Variants in MTUS2 observed in about 807,000 individuals in gnomAD.
The protein encoded by MTUS2 is microtubule associated scaffold protein 2, also known as microtubule-associated tumor suppressor candidate 2.
In MTUS2, 40 loss-of-function variants were observed where a neutral mutation model predicts 114.1. That is an observed-to-expected ratio of 0.35 (90% CI 0.27 to 0.46). The LOEUF (loss-of-function observed/expected upper bound fraction) is 0.46, where lower values mean the gene tolerates loss of function less well. MTUS2 is among the 20% of genes least tolerant of loss of function. The pLI, the probability that MTUS2 is intolerant of heterozygous loss-of-function variation, is 1.00. For missense variants in MTUS2, 1,679 were observed against 1,705.4 expected (o/e 0.98, Z 0.27); for synonymous variants, 688 against 672.0 (o/e 1.02, Z -0.37).
At chr13:29,318,374 ATTTGTTATT>A (rs1247212422) in intron 6 of MTUS2, among the ~76,000 whole-genome samples, 1 of 84,236 alleles carries the variant, frequency 1.2e-5, no homozygotes, top group African/African-American at 4.7e-5. Flanking sequence ...AGCTATTATC[ATTTGTTATT>A]TCTTTTTCTT....
chr13:29,268,779 C>T (rs1764774422), intron 5 of MTUS2, among the ~76,000 whole-genome samples: 1 of 152,142 alleles, frequency 6.6e-6, no homozygotes, highest in African/African-American at 2.4e-5. Flanking sequence ...TCCCAGGCAA[C>T]AGTCCAGTTG....
chr13:28,994,796 T>C (rs1238376046), intron 2 of MTUS2, among the ~76,000 whole-genome samples: 1 of 152,214 alleles, frequency 6.6e-6, no homozygotes, highest in Middle Eastern at 3.2e-3. Flanking sequence ...AGATTCTGGA[T>C]ATTAGCCCTT....
chr13:29,229,415 C>T (rs141859820), intron 5 of MTUS2, among the ~76,000 whole-genome samples: 9 of 152,242 alleles, frequency 5.9e-5, no homozygotes, highest in South Asian at 2.1e-4. Flanking sequence ...TTAATATGTA[C>T]GATACTAAAT....
chr13:29,081,710 CTTTAA>C (rs906867496), intron 4 of MTUS2, among the ~76,000 whole-genome samples: 2 of 151,802 alleles, frequency 1.3e-5, no homozygotes, highest in Admixed American at 6.6e-5. Context: ...ATATGTGTGA[CTTTAA>C]TTTATATTTT....
intron 9 of MTUS2, among the ~76,000 whole-genome samples, chr13:29,443,367 T>C (rs947189979): frequency 6.6e-6 from 1 of 152,208 alleles, no homozygotes; most frequent in African/African-American, 2.4e-5. Context: ...GTGTGCCAAG[T>C]GCAAGGCTGC....
intron 3 of MTUS2, among the ~76,000 whole-genome samples, chr13:29,027,402 A>G (rs970530070): frequency 6.6e-6 from 1 of 152,220 alleles, no homozygotes; most frequent in Non-Finnish European, 1.5e-5. Flanking sequence ...TTTAAAATAA[A>G]AGTAATAATT....
intron 4 of MTUS2, among the ~76,000 whole-genome samples, chr13:29,048,581 A>C (rs566098351): frequency 6.6e-6 from 1 of 152,306 alleles, no homozygotes; most frequent in Non-Finnish European, 1.5e-5. Context: ...CGATCCTCCC[A>C]CATCAGTCTC....
chr13:28,942,219 A>T (rs796340209), intron 2 of MTUS2, among the ~76,000 whole-genome samples: 1 of 152,222 alleles, frequency 6.6e-6, no homozygotes. Flanking sequence ...CAAATGGCCA[A>T]TAAATAAAGA....
intron 3 of MTUS2, among the ~76,000 whole-genome samples, chr13:29,027,813 A>G (rs2138495534): frequency 6.6e-6 from 1 of 152,144 alleles, no homozygotes. Context: ...TGCTGGGATT[A>G]CAGGCGTGAG....
At chr13:29,355,835 G>C (rs1869692184) in intron 7 of MTUS2, among the ~76,000 whole-genome samples, 1 of 152,160 alleles carries the variant, frequency 6.6e-6, no homozygotes, top group African/African-American at 2.4e-5. Context: ...TAGTGTACTA[G>C]GGCCAGTCAG....
intron 2 of MTUS2, among the ~76,000 whole-genome samples, chr13:28,867,491 G>GT (rs1222337958): frequency 3.3e-5 from 5 of 152,166 alleles, no homozygotes; most frequent in Non-Finnish European, 7.4e-5. Context: ...CTTGAGCAAA[G>GT]TTTCACTGCT....
intron 2 of MTUS2, among the ~76,000 whole-genome samples, chr13:28,845,761 G>T (rs1429141809): frequency 6.6e-6 from 1 of 151,838 alleles, no homozygotes; most frequent in African/African-American, 2.4e-5. Flanking sequence ...GTAGACTTTG[G>T]TGACACTCTG....
intron 8 of MTUS2, among the ~76,000 whole-genome samples, chr13:29,414,596 T>A (rs183389944): frequency 2.2e-3 from 336 of 152,080 alleles, no homozygotes; most frequent in African/African-American, 7.5e-3. Context: ...CTTTCTCTGA[T>A]GGGCTCAATT....
chr13:28,847,258 G>C (rs909810607), intron 2 of MTUS2, among the ~76,000 whole-genome samples: 1 of 152,144 alleles, frequency 6.6e-6, no homozygotes, highest in Non-Finnish European at 1.5e-5. Flanking sequence ...TATCACTTGA[G>C]GTTTTTTTTT....
chr13:29,049,732 A>C (rs1360841726), intron 4 of MTUS2, among the ~76,000 whole-genome samples: 1 of 152,212 alleles, frequency 6.6e-6, no homozygotes, highest in African/African-American at 2.4e-5. Flanking sequence ...GGGGCCGAGT[A>C]GATGCACAGG....
chr13:28,927,272 C>G (rs1427969593), intron 2 of MTUS2, among the ~76,000 whole-genome samples: 3 of 151,976 alleles, frequency 2.0e-5, no homozygotes, highest in African/African-American at 7.3e-5. Context: ...AAGAAAGATA[C>G]AAAAAATAGC....
intron 6 of MTUS2, among the ~76,000 whole-genome samples, chr13:29,282,750 G>GTA (rs1005687989): frequency 6.4e-4 from 97 of 152,060 alleles, no homozygotes; most frequent in African/African-American, 2.0e-3. Flanking sequence ...TCATATCAAT[G>GTA]TATATATATA....
intron 5 of MTUS2, among the ~76,000 whole-genome samples, chr13:29,178,467 C>T (rs967759472): frequency 7.9e-5 from 12 of 152,080 alleles, no homozygotes; most frequent in African/African-American, 2.9e-4. Flanking sequence ...AGTTTTTAAA[C>T]CTTAGCCCTA....
At chr13:28,872,038 T>C (rs1877649470) in intron 2 of MTUS2, among the ~76,000 whole-genome samples, 3 of 152,144 alleles carry the variant, frequency 2.0e-5, no homozygotes, top group Admixed American at 2.0e-4. Flanking sequence ...TGGCAGGACA[T>C]TGGAGCTTTG....
Sources: gnomAD v4.1 joint callset for allele counts (sites outside exome capture counted in the v4.1 genomes callset) on GRCh38, gnomAD v4.1.1 for gene constraint, MANE v1.5 for transcripts, NCBI Gene and HGNC (gene_info 2026-07-23, HGNC 2026-07-21) for gene names.